The following TGFBR1 variants were observed in gnomAD, a reference collection of about 807,000 sequenced individuals.
TGFBR1 encodes the protein transforming growth factor beta receptor 1, also known as TGF-beta receptor type-1.
In TGFBR1, 20 loss-of-function variants were observed where a neutral mutation model predicts 55.1. That is an observed-to-expected ratio of 0.36 (90% CI 0.26 to 0.53). The LOEUF (loss-of-function observed/expected upper bound fraction) is 0.53. Ranked by LOEUF, TGFBR1 falls within the 20% of genes least tolerant of loss-of-function variation. TGFBR1 has a pLI of 0.91. For missense variants in TGFBR1, 385 were observed against 617.6 expected (o/e 0.62, Z 3.99); for synonymous variants, 220 against 214.8 (o/e 1.02, Z -0.21).
upstream of TGFBR1, chr9:99,104,115 AGC>A (rs1229668666): frequency 2.0e-5 from 3 of 152,222 alleles, no homozygotes; most frequent in African/African-American, 4.8e-5. Flanking sequence ...AGGTGGGTGG[AGC>A]GTCTCGCAGT....
At chr9:99,145,047 G>T (rs1046177959) in intron 6 of TGFBR1, among the ~76,000 whole-genome samples, 159 bp downstream of exon 6, 1 of 152,180 alleles carries the variant, frequency 6.6e-6, no homozygotes, top group Non-Finnish European at 1.5e-5. Flanking sequence ...TCTGAAGCCA[G>T]AGTTACCTGA....
chr9:99,141,197 G>A (rs1342652204), intron 4 of TGFBR1, among the ~76,000 whole-genome samples: 1 of 152,130 alleles, frequency 6.6e-6, no homozygotes, highest in Admixed American at 6.5e-5. Flanking sequence ...ATGGTTAAGA[G>A]GCATGCAAAT....
chr9:99,143,845 T>A (rs2068179972), intron 5 of TGFBR1, among the ~76,000 whole-genome samples: 1 of 152,302 alleles, frequency 6.6e-6, no homozygotes, highest in Non-Finnish European at 1.5e-5. Flanking sequence ...CAACAACTGC[T>A]CCTTTTTGTC....
chr9:99,142,310 AT>A (rs1461102756), intron 4 of TGFBR1, among the ~76,000 whole-genome samples: 1 of 152,260 alleles, frequency 6.6e-6, no homozygotes, highest in Non-Finnish European at 1.5e-5. Flanking sequence ...GGGATTAATT[AT>A]ACTTGCCTTA....
chr9:99,142,864 G>A (rs749921376), intron 5 of TGFBR1, among the ~76,000 whole-genome samples, 161 bp downstream of exon 5: 1 of 152,160 alleles, frequency 6.6e-6, no homozygotes, highest in Non-Finnish European at 1.5e-5. Flanking sequence ...TTCATGGCCA[G>A]CCTGGGCAAC....
rs10988731 is a variant in TGFBR1, at chr9:99,148,919, C to T, written c.1387-261C>T. Among the ~76,000 whole-genome samples the T allele has an allele frequency of 0.014, 2,093 of 152,078 alleles. 53 individuals are homozygous for T. The highest frequency in any genetic ancestry group is 0.048 in the African/African-American group (1,984 of 41,492). The stretch of plus-strand genomic sequence containing the variant: ...AGTGTGAGGTCAGATTTCTTCTTTG[C>T]TTTGCCCAGCTCTGGTTTAGGATTC... On this transcript the variant is annotated intron_variant, in intron 8 of 8. Coordinates refer to ENST00000374994, the MANE Select transcript of TGFBR1 (RefSeq NM_004612.4).
At chr9:99,111,490 G>A (rs372202333) in intron 1 of TGFBR1, among the ~76,000 whole-genome samples, 8 of 151,890 alleles carry the variant, frequency 5.3e-5, no homozygotes, top group South Asian at 2.1e-4. Flanking sequence ...TTAGCTGGAC[G>A]TAGTGGCAGG....
intron 3 of TGFBR1, among the ~76,000 whole-genome samples, chr9:99,133,902 G>T (rs952108911): frequency 6.6e-6 from 1 of 151,818 alleles, no homozygotes; most frequent in East Asian, 1.9e-4. Flanking sequence ...TACTCGGGAG[G>T]CCGAGACAGG....
In TGFBR1 at chr9:99,153,015, TTTG is replaced by T. The variant is rs1828020072; in HGVS notation, c.*3713_*3715del. ...ACAACTTAAAAGGAACTTCAGTGAA[TTTG>T]TTTTTATTTTTTAACAAGATTTGTG... On this transcript the variant is annotated 3_prime_UTR_variant, in exon 9 of 9. Transcript: ENST00000374994. 4.4e-6 allele frequency: 1 copy of T among 228,332 alleles called. No homozygotes were observed. Among genetic ancestry groups the T allele is most frequent in the Non-Finnish European group, 8.7e-6 (1 of 114,738 alleles). 14.1% of individuals were successfully genotyped at this position (228,332 alleles called of 1,614,324 possible). A position where few individuals can be genotyped will look rare whatever the true frequency, so the allele number is the denominator to read the frequency against.
At chr9:99,135,179 A>G (rs1223352043) in intron 3 of TGFBR1, among the ~76,000 whole-genome samples, 1 of 152,176 alleles carries the variant, frequency 6.6e-6, no homozygotes, top group Non-Finnish European at 1.5e-5. Context: ...TCAGTTGACC[A>G]CATTGTACAA....
At position 99,153,040 on chromosome 9, in the gene TGFBR1, T is replaced by C. The variant is rs199961896; in HGVS notation, c.*3735T>C. On this transcript the variant is annotated 3_prime_UTR_variant, in exon 9 of 9. Transcript: ENST00000374994. ...TTTGTTTTTATTTTTTAACAAGATTTGTGAACTGAATATCATGAACCATGT... is the reference window on the plus strand; with the variant it reads ...TTTGTTTTTATTTTTTAACAAGATTCGTGAACTGAATATCATGAACCATGT... 5.3e-5 allele frequency: 12 copies of C among 228,228 alleles called. No individual in the cohort carries two copies. The highest frequency in any genetic ancestry group is 1.0e-4 in the Non-Finnish European group (12 of 114,648). The allele number at this position is 228,228 out of a possible 1,614,324, so 14.1% of individuals were successfully genotyped here. A position where few individuals can be genotyped will look rare whatever the true frequency, so the allele number is the denominator to read the frequency against.
intron 1 of TGFBR1, among the ~76,000 whole-genome samples, chr9:99,106,619 A>G (rs1010465282): frequency 1.4e-4 from 21 of 152,246 alleles, no homozygotes; most frequent in African/African-American, 3.9e-4. Flanking sequence ...AAAGTGGGGT[A>G]CAGACACGTT....
intron 3 of TGFBR1, among the ~76,000 whole-genome samples, chr9:99,136,382 T>A (rs547966728): frequency 6.6e-6 from 1 of 152,352 alleles, no homozygotes; most frequent in Admixed American, 6.5e-5. Flanking sequence ...TCCTTTTTCT[T>A]TTTTATTACT....
At chr9:99,136,046 G>C (rs1176935431) in intron 3 of TGFBR1, among the ~76,000 whole-genome samples, 2 of 151,936 alleles carry the variant, frequency 1.3e-5, no homozygotes, top group Non-Finnish European at 2.9e-5. Context: ...TTAGAGACCA[G>C]GTTTCACCAT....
chr9:99,146,727 C>T (rs992185229), intron 7 of TGFBR1, 118 bp downstream of exon 7: 7 of 1,496,332 alleles, frequency 4.7e-6, no homozygotes, highest in East Asian at 2.3e-5. Flanking sequence ...AGGATGTCAC[C>T]GAGTGCCAGA....
chr9:99,142,787 G>C (rs972234843), intron 5 of TGFBR1, 84 bp downstream of exon 5: 3 of 1,491,134 alleles, frequency 2.0e-6, no homozygotes, highest in African/African-American at 1.4e-5. Context: ...GGCTGGGCCT[G>C]GTGGCTCATG....
In TGFBR1 at chr9:99,132,623, T is replaced by G; in HGVS notation, c.458T>G (p.Val153Gly). Residue 153 changes from valine to glycine, a missense_variant, in exon 3 of 9, where the codon GTC (valine) becomes GGC (glycine). Val to Gly is a moderately radical substitution (Grantham distance 109). Around this residue, in one of 5 missense-constraint regions of TGFBR1, gnomAD observed 146 missense variants for 167.7 expected, o/e 0.87. Transcript: ENST00000374994. ...GTCTATATCTGCCACAACCGCACTG[T>G]CATTCACCATCGAGTGCCAAATGAA... ...LMVYICHNRTVIHHRVPNEED... is the reference protein window; with the variant it reads ...LMVYICHNRTGIHHRVPNEED... 1 of 1,614,196 alleles carries G rather than the reference T, an allele frequency of 6.2e-7. No individual in the cohort carries two copies. The highest frequency in any genetic ancestry group is 8.5e-7 in the Non-Finnish European group (1 of 1,180,032).
rs996451358 is a variant in TGFBR1 at position 99,105,194 on chromosome 9, G to A, written c.-12G>A. On this transcript the variant is annotated 5_prime_UTR_variant, in exon 1 of 9. Transcript: ENST00000374994. ...CGGGCCGGGCCGGGCCACAGGCGGT[G>A]GCGGCGGGACCATGGAGGCGGCGGT... 1 of 1,084,622 alleles carries A rather than the reference G, an allele frequency of 9.2e-7. No individual in the cohort carries two copies. The highest frequency in any genetic ancestry group is 1.1e-6 in the Non-Finnish European group (1 of 895,220). The allele number at this position is 1,084,622 out of a possible 1,614,324, so 67.2% of individuals were successfully genotyped here.
chr9:99,111,247 A>C (rs1471180869), intron 1 of TGFBR1, among the ~76,000 whole-genome samples: 1 of 151,634 alleles, frequency 6.6e-6, no homozygotes, highest in African/African-American at 2.4e-5. Flanking sequence ...AGAAAGGAAA[A>C]AAACCATCAC....
Sources: gnomAD v4.1 joint callset for allele counts (sites outside exome capture counted in the v4.1 genomes callset) on GRCh38, gnomAD v4.1.1 for gene constraint, gnomAD v4.1.1 regional missense constraint, MANE v1.5 for transcripts, NCBI Gene and HGNC (gene_info 2026-07-23, HGNC 2026-07-21) for gene names.